The following FHIT variants were observed in gnomAD, a reference collection of about 807,000 sequenced individuals.
FHIT encodes bis(5'-adenosyl)-triphosphatase.
FHIT carries 19 observed loss-of-function variants against 17.9 expected under a neutral mutation model. The ratio of observed to expected loss-of-function variants is 1.06; its 90% CI spans 0.74 to 1.56. FHIT has a LOEUF of 1.56. Ranked by LOEUF, FHIT falls within the 40% of genes most tolerant of loss-of-function variation. The pLI is 0.00. For synonymous variants in FHIT, 81 were observed against 69.7 expected, an observed-to-expected ratio of 1.16 and a Z score of -0.81; for missense variants, 248 against 189.2, an observed-to-expected ratio of 1.31 and a Z score of -1.82.
intron 2 of FHIT, among the ~76,000 whole-genome samples, chr3:61,056,889 G>A (rs1328410156): frequency 6.6e-6 from 1 of 152,156 alleles, no homozygotes; most frequent in South Asian, 2.1e-4. Context: ...TATAATTGTG[G>A]TGGTATCAGG....
chr3:60,509,231 A>G (rs1409689775), intron 5 of FHIT, among the ~76,000 whole-genome samples: 1 of 152,196 alleles, frequency 6.6e-6, no homozygotes, highest in Admixed American at 6.5e-5. Context: ...CATCACTTCA[A>G]TGGCAGCATC....
At chr3:60,127,248 T>G (rs1705594528) in intron 5 of FHIT, among the ~76,000 whole-genome samples, 1 of 152,174 alleles carries the variant, frequency 6.6e-6, no homozygotes, top group Non-Finnish European at 1.5e-5. Flanking sequence ...TGCACCAACT[T>G]TATTAATGAG....
chr3:60,923,796 T>C (rs1707419133), intron 3 of FHIT, among the ~76,000 whole-genome samples: 1 of 152,116 alleles, frequency 6.6e-6, no homozygotes, highest in South Asian at 2.1e-4. Flanking sequence ...GGTCAGAGAA[T>C]TCCCTTTCCT....
intron 3 of FHIT, among the ~76,000 whole-genome samples, chr3:60,937,704 C>T (rs1473565671): frequency 1.3e-5 from 2 of 151,886 alleles, no homozygotes; most frequent in Non-Finnish European, 2.9e-5. Context: ...GCTGGGATTA[C>T]AGGTGCACGC....
At position 60,989,097 on chromosome 3, in the gene FHIT, G is replaced by A. The variant is rs927761409; in HGVS notation, c.-111+52950C>T. Among the ~76,000 whole-genome samples the A allele has an allele frequency of 4.6e-5, 7 of 151,976 alleles. No individual in the cohort carries two copies. In the East Asian group the frequency reaches 5.8e-4, roughly 13 times the overall value. On this transcript the variant is annotated intron_variant, in intron 3 of 9. Transcript: ENST00000492590. ...ATTTTAAGGTATCTTTCCTAGGTTT[G>A]TTGCTAAGTTCATGGACAGCATACC...
At chr3:60,823,764 G>C (rs1553740075) in intron 3 of FHIT, among the ~76,000 whole-genome samples, 1 of 152,072 alleles carries the variant, frequency 6.6e-6, no homozygotes, top group Non-Finnish European at 1.5e-5. Flanking sequence ...AGTGTGTTTG[G>C]GGAGATTGTT....
chr3:59,910,070 G>A (rs771279481), intron 8 of FHIT, among the ~76,000 whole-genome samples: 1 of 152,178 alleles, frequency 6.6e-6, no homozygotes, highest in East Asian at 1.9e-4. Flanking sequence ...GGCTGAGGAG[G>A]TGCACCTGTG....
chr3:59,978,841 G>A (rs1708527045), intron 7 of FHIT, among the ~76,000 whole-genome samples: 1 of 151,692 alleles, frequency 6.6e-6, no homozygotes, highest in African/African-American at 2.4e-5. Flanking sequence ...TCAATGGTCT[G>A]GATATTTGTG....
chr3:60,641,075 G>T (rs1246114235), intron 4 of FHIT, among the ~76,000 whole-genome samples: 2 of 152,146 alleles, frequency 1.3e-5, no homozygotes, highest in African/African-American at 2.4e-5. Context: ...AGCTACTTGG[G>T]AGGCTGAGGC....
At chr3:61,213,826 C>G (rs1015329784) in intron 1 of FHIT, among the ~76,000 whole-genome samples, 4 of 152,176 alleles carry the variant, frequency 2.6e-5, no homozygotes, top group Non-Finnish European at 4.4e-5. Context: ...ACAGTGCAAT[C>G]AAACTAGAAC....
intron 8 of FHIT, among the ~76,000 whole-genome samples, chr3:59,884,961 TAAGTC>T (rs1253750820): frequency 6.6e-6 from 1 of 152,160 alleles, no homozygotes; most frequent in African/African-American, 2.4e-5. Flanking sequence ...AAAATGAACT[TAAGTC>T]AACTATTCCT....
At chr3:61,241,366 A>G (rs2040369404) in intron 1 of FHIT, among the ~76,000 whole-genome samples, 1 of 152,164 alleles carries the variant, frequency 6.6e-6, no homozygotes, top group Non-Finnish European at 1.5e-5. Flanking sequence ...TGACAAAACC[A>G]AGCAGGTACC....
At chr3:60,057,815 T>C (rs565747569) in intron 5 of FHIT, among the ~76,000 whole-genome samples, 1 of 152,252 alleles carries the variant, frequency 6.6e-6, no homozygotes, top group East Asian at 1.9e-4. Context: ...TGTTTTCTTA[T>C]ACATTATTAC....
chr3:60,819,810 G>T (rs1553738748), intron 4 of FHIT, among the ~76,000 whole-genome samples: 2 of 152,132 alleles, frequency 1.3e-5, no homozygotes, highest in Non-Finnish European at 2.9e-5. Flanking sequence ...GTCAGTCTTT[G>T]TAAAGAGAAG....
At chr3:60,950,018 G>A (rs1303984354) in intron 3 of FHIT, among the ~76,000 whole-genome samples, 1 of 152,146 alleles carries the variant, frequency 6.6e-6, no homozygotes, top group African/African-American at 2.4e-5. Flanking sequence ...GATTATAATG[G>A]AGCTAAAAAA....
intron 4 of FHIT, among the ~76,000 whole-genome samples, chr3:60,720,630 A>G (rs1333150989): frequency 2.6e-5 from 4 of 152,194 alleles, no homozygotes; most frequent in Admixed American, 2.6e-4. Flanking sequence ...CTGCAGACCA[A>G]TTAAGTCAGA....
intron 7 of FHIT, among the ~76,000 whole-genome samples, chr3:59,927,661 C>T (rs561392165): frequency 3.9e-5 from 6 of 152,070 alleles, no homozygotes; most frequent in South Asian, 4.2e-4. Flanking sequence ...CCCAGGTACT[C>T]GGGAGGCTGA....
chr3:60,449,329 C>T (rs182444917), intron 5 of FHIT, among the ~76,000 whole-genome samples: 222 of 152,150 alleles, frequency 1.5e-3, no homozygotes, highest in Middle Eastern at 6.8e-3. Context: ...TAAGCCTCAG[C>T]TTCCTTCTCA....
At chr3:60,668,418 C>T (rs1267122931) in intron 4 of FHIT, among the ~76,000 whole-genome samples, 2 of 144,584 alleles carry the variant, frequency 1.4e-5, no homozygotes, top group Admixed American at 1.4e-4. Flanking sequence ...TGAGCTGCTT[C>T]TTGTTGCCAG....
Sources: allele counts gnomAD v4.1 joint callset (sites outside exome capture counted in the v4.1 genomes callset), GRCh38; gene constraint gnomAD v4.1.1; transcripts MANE v1.5; gene names NCBI Gene and HGNC (gene_info 2026-07-23, HGNC 2026-07-21).